The following UNC5D variants were observed in gnomAD, a reference collection of about 807,000 sequenced individuals.
The protein encoded by UNC5D is netrin receptor UNC5D.
UNC5D carries 39 observed loss-of-function variants against 105.4 expected under a neutral mutation model. The ratio of observed to expected loss-of-function variants is 0.37; its 90% CI spans 0.29 to 0.48. The LOEUF is 0.48. Ranked by LOEUF, UNC5D falls within the 20% of genes least tolerant of loss-of-function variation. The probability of loss-of-function intolerance (pLI) is 0.98; values close to 1 mark genes in which losing one functional copy is unlikely to be tolerated. For synonymous variants in UNC5D, 452 were observed against 450.4 expected (o/e 1.00, Z -0.04); for missense variants, 991 against 1,202.4 (o/e 0.82, Z 2.60).
chr8:35,586,070 C>G (rs546578582), intron 3 of UNC5D, among the ~76,000 whole-genome samples: 2 of 152,014 alleles, frequency 1.3e-5, no homozygotes, highest in South Asian at 4.2e-4. Context: ...GTCAGGAGTT[C>G]GAGACCACCC....
chr8:35,450,595 T>C (rs1196702696), intron 1 of UNC5D, among the ~76,000 whole-genome samples: 4 of 152,196 alleles, frequency 2.6e-5, no homozygotes, highest in Admixed American at 6.6e-5. Flanking sequence ...ATGTATTGAT[T>C]ATAAAATATA....
At chr8:35,462,871 A>C (rs16883964) in intron 1 of UNC5D, among the ~76,000 whole-genome samples, 2,082 of 152,278 alleles carry the variant, frequency 0.014, 60 homozygotes, top group African/African-American at 0.048. Flanking sequence ...CCCCAATTTA[A>C]GTTAAGACAG....
At chr8:35,353,886 A>T (rs1438921229) in intron 1 of UNC5D, among the ~76,000 whole-genome samples, 1 of 152,116 alleles carries the variant, frequency 6.6e-6, no homozygotes, top group Non-Finnish European at 1.5e-5. Flanking sequence ...TAAGAGCAAA[A>T]AATTAATATT....
At chr8:35,749,989 T>TAAAA (rs11380512) in intron 12 of UNC5D, among the ~76,000 whole-genome samples, 1 of 136,928 alleles carries the variant, frequency 7.3e-6, no homozygotes, top group African/African-American at 3.3e-5. Context: ...GAAATAGTTG[T>TAAAA]AAAAAAAAAA....
At chr8:35,356,783 C>A (rs1399617739) in intron 1 of UNC5D, among the ~76,000 whole-genome samples, 2 of 152,052 alleles carry the variant, frequency 1.3e-5, no homozygotes, top group African/African-American at 4.8e-5. Flanking sequence ...GACTTGAACA[C>A]AAGCTCTGTG....
At chr8:35,316,814 C>T (rs955531502) in intron 1 of UNC5D, among the ~76,000 whole-genome samples, 2 of 152,058 alleles carry the variant, frequency 1.3e-5, no homozygotes, top group Non-Finnish European at 2.9e-5. Flanking sequence ...TTCTTCATTG[C>T]TTATATTACT....
intron 1 of UNC5D, among the ~76,000 whole-genome samples, chr8:35,389,760 T>G (rs1300305287): frequency 7.3e-6 from 1 of 136,804 alleles, no homozygotes; most frequent in Admixed American, 7.4e-5. Context: ...AAAAAAAAAG[T>G]CTCGTGGGGC....
chr8:35,578,556 T>G (rs986099128), intron 3 of UNC5D, among the ~76,000 whole-genome samples: 1 of 152,200 alleles, frequency 6.6e-6, no homozygotes, highest in African/African-American at 2.4e-5. Flanking sequence ...ATGCAAATGC[T>G]TGCATAAATT....
chr8:35,235,817 C>A lies in UNC5D; in HGVS notation c.33C>A (p.Gly11=). MGRAAATAGG[G]GGARRWLPWL... is the part of the protein sequence containing the mutation. Reference sequence around the variant, plus strand: ...GAGCGGCGGCCACCGCAGGCGGCGGCGGAGGGGCGCGCCGCTGGCTCCCGT... The same window carrying A: ...GAGCGGCGGCCACCGCAGGCGGCGGAGGAGGGGCGCGCCGCTGGCTCCCGT... The change falls in exon 1 of 17, where the codon GGC becomes GGA. Residue 11 remains glycine (G), a synonymous_variant. Transcript: ENST00000404895. The A allele has an allele frequency of 8.1e-7, 1 of 1,229,958 alleles. No homozygotes were observed. Among genetic ancestry groups the A allele is most frequent in the South Asian group, 4.1e-5 (1 of 24,314 alleles). The allele number at this position is 1,229,958 out of a possible 1,614,324, so 76.2% of individuals were successfully genotyped here.
At chr8:35,642,052 G>A (rs1207674042) in intron 4 of UNC5D, among the ~76,000 whole-genome samples, 1 of 152,082 alleles carries the variant, frequency 6.6e-6, no homozygotes, top group East Asian at 1.9e-4. Context: ...CTTATAGTGT[G>A]AGACTTGGAA....
chr8:35,462,955 C>T (rs1301534304), intron 1 of UNC5D, among the ~76,000 whole-genome samples: 2 of 152,146 alleles, frequency 1.3e-5, no homozygotes, highest in African/African-American at 4.8e-5. Context: ...GATTGTTTTT[C>T]ATGTTGTTTT....
At chr8:35,370,563 T>G (rs899600966) in intron 1 of UNC5D, among the ~76,000 whole-genome samples, 1 of 152,232 alleles carries the variant, frequency 6.6e-6, no homozygotes, top group Non-Finnish European at 1.5e-5. Context: ...TTGTGCTGTT[T>G]GAATGTTGTA....
intron 1 of UNC5D, among the ~76,000 whole-genome samples, chr8:35,430,741 TTGC>T (rs1174668121): frequency 1.3e-4 from 20 of 152,150 alleles, no homozygotes; most frequent in Non-Finnish European, 2.6e-4. Context: ...TTATTCTGTG[TTGC>T]ATGAGAACAG....
chr8:35,369,050 C>T (rs1307062524), intron 1 of UNC5D, among the ~76,000 whole-genome samples: 3 of 152,186 alleles, frequency 2.0e-5, no homozygotes, highest in Non-Finnish European at 4.4e-5. Context: ...GGCAGTCTGA[C>T]AAGACTATAT....
intron 1 of UNC5D, among the ~76,000 whole-genome samples, chr8:35,528,351 C>A (rs932246021): frequency 1.3e-5 from 2 of 151,410 alleles, no homozygotes; most frequent in Non-Finnish European, 2.9e-5. Flanking sequence ...CCAATTTCAT[C>A]CATGTCCCTA....
intron 1 of UNC5D, among the ~76,000 whole-genome samples, chr8:35,407,505 A>ATTTG (rs1174720742): frequency 4.4e-4 from 66 of 148,412 alleles, no homozygotes; most frequent in African/African-American, 1.7e-3. Flanking sequence ...ACAGGTTTTC[A>ATTTG]TTTGTATGTA....
intron 4 of UNC5D, among the ~76,000 whole-genome samples, chr8:35,634,246 T>A (rs922723032): frequency 6.6e-6 from 1 of 152,198 alleles, no homozygotes; most frequent in African/African-American, 2.4e-5. Flanking sequence ...TTTTCCAGAA[T>A]CACACAGAAT....
At chr8:35,533,906 T>C (rs927450734) in intron 1 of UNC5D, among the ~76,000 whole-genome samples, 9 of 152,192 alleles carry the variant, frequency 5.9e-5, no homozygotes, top group African/African-American at 2.2e-4. Flanking sequence ...TGCTTCGGCT[T>C]GCGCACGGTG....
rs183558785 is a variant in UNC5D at position 35,396,264 on chromosome 8, A to G, written c.104-153028A>G. On this transcript the variant is annotated intron_variant, in intron 1 of 16. Coordinates refer to ENST00000404895, the MANE Select transcript of UNC5D (RefSeq NM_080872.4). ...CTCATAGGACTCAGCGTATGGTTGTATTCAATGGCTATGATGCATTACAAC... is the reference window on the plus strand; with the variant it reads ...CTCATAGGACTCAGCGTATGGTTGTGTTCAATGGCTATGATGCATTACAAC... Among the ~76,000 whole-genome samples the G allele has an allele frequency of 3.4e-3, 521 of 152,220 alleles. 4 individuals are homozygous for G. The highest frequency in any genetic ancestry group is 0.012 in the African/African-American group (500 of 41,526).
Sources: allele counts gnomAD v4.1 joint callset (sites outside exome capture counted in the v4.1 genomes callset), GRCh38; gene constraint gnomAD v4.1.1; transcripts MANE v1.5; gene names NCBI Gene and HGNC (gene_info 2026-07-23, HGNC 2026-07-21).